The following ASMTL variants were observed in gnomAD, a reference collection of about 807,000 sequenced individuals.
ASMTL encodes the protein acetylserotonin O-methyltransferase like.
In ASMTL, 57 loss-of-function variants were observed where a neutral mutation model predicts 60.3. The observed-to-expected ratio is 0.95, with a 90% confidence interval of 0.76 to 1.18. The LOEUF is 1.18. Among genes scored for constraint, ASMTL ranks in the 50% most tolerant of loss-of-function variants. ASMTL has a pLI of 0.00. For synonymous variants in ASMTL, 419 were observed against 373.0 expected (o/e 1.12, Z -1.42); for missense variants, 981 against 852.6 (o/e 1.15, Z -1.88).
At chrX:1,435,865 T>G in intron 3 of ASMTL, 107 bp from the exon 4 acceptor site, 1 of 951,988 alleles carries the variant, frequency 1.1e-6, no homozygotes, top group Admixed American at 1.8e-5. Context: ...GAAATGAAGC[T>G]GACACGTCCT....
intron 9 of ASMTL, among the ~76,000 whole-genome samples, chrX:1,419,483 GTC>G (rs1425574130): frequency 1.5e-4 from 23 of 152,170 alleles, no homozygotes; most frequent in Non-Finnish European, 3.2e-4. Flanking sequence ...AAGCCACAAT[GTC>G]TCTGCAGGTG....
At chrX:1,433,536 G>T (rs1486216662) in intron 5 of ASMTL, among the ~76,000 whole-genome samples, 1 of 148,066 alleles carries the variant, frequency 6.8e-6, no homozygotes, top group Non-Finnish European at 1.5e-5. Flanking sequence ...GAAAAAATTA[G>T]CCGGGCGTGG....
intron 4 of ASMTL, 151 bp downstream of exon 4, chrX:1,435,543 C>T (rs1291732544): frequency 2.7e-6 from 2 of 741,460 alleles, no homozygotes; most frequent in Non-Finnish European, 4.8e-6. Flanking sequence ...GCCTGCCTCC[C>T]TGCATAGCTC....
rs2090948668 is a variant in ASMTL, at chrX:1,435,749, C to A, written c.283G>T (p.Gly95Trp). Residue 95 changes from glycine to tryptophan, a missense_variant, in exon 4 of 13, where the codon GGG (glycine) becomes TGG (tryptophan). Coordinates refer to ENST00000381317, the MANE Select transcript of ASMTL (RefSeq NM_004192.4). ...IGADTIVTVG[G>W]LILEKPVDKQ... is the part of the protein sequence containing the mutation. ...TCCACCGGCTTCTCCAGAATCAGCC[C>A]CCCGACTGTCTGTGAGAGGAAGGGA... The A allele has an allele frequency of 6.2e-7, 1 of 1,613,626 alleles. No homozygotes were observed. Among genetic ancestry groups the A allele is most frequent in the Admixed American group, 1.7e-5 (1 of 59,992 alleles).
At chrX:1,416,268 CAG>C (rs1408720409) in intron 11 of ASMTL, among the ~76,000 whole-genome samples, 9 of 150,936 alleles carry the variant, frequency 6.0e-5, no homozygotes, top group South Asian at 2.1e-4. Flanking sequence ...CACGGACACA[CAG>C]ATACACCAAC....
chrX:1,425,190 C>T (rs1289011509), intron 8 of ASMTL, among the ~76,000 whole-genome samples: 4 of 152,186 alleles, frequency 2.6e-5, no homozygotes, highest in African/African-American at 7.2e-5. Context: ...CATCCATCTA[C>T]GTTATTTGTC....
chrX:1,433,538 C>T (rs1203646739), intron 5 of ASMTL, among the ~76,000 whole-genome samples: 8 of 149,926 alleles, frequency 5.3e-5, no homozygotes, highest in South Asian at 2.1e-4. Context: ...AAAAATTAGC[C>T]GGGCGTGGTG....
chrX:1,426,355 C>T lies in ASMTL; in HGVS notation c.898-668G>A, dbSNP rs373341112. Among the ~76,000 whole-genome samples the T allele has an allele frequency of 5.9e-3, 899 of 152,258 alleles. 9 individuals carry two copies. Among genetic ancestry groups the T allele is most frequent in the African/African-American group, 0.02 (825 of 41,560 alleles). On this transcript the variant is annotated intron_variant, in intron 7 of 12. Coordinates refer to ENST00000381317, the MANE Select transcript of ASMTL (RefSeq NM_004192.4). ...GCTGTAACCACCTTTATTCCTTATT[C>T]ACTGCATGTTCTCTCTCCTGATGAT... is the stretch of plus-strand genomic sequence containing the variant.
At chrX:1,432,913 C>T (rs1452260794) in intron 5 of ASMTL, among the ~76,000 whole-genome samples, 8 of 152,264 alleles carry the variant, frequency 5.3e-5, no homozygotes, top group Non-Finnish European at 1.2e-4. Flanking sequence ...GCCTGGCCAA[C>T]ATGGCGAAAC....
rs760753118 is a variant in ASMTL, at chrX:1,421,783, G to T, written c.1120C>A (p.His374Asn). ...TCATTATTGTGCATGATGAAGCCGTGCAGAGAGTATTCGCCATCCGATGCC... is the reference window on the plus strand; with the variant it reads ...TCATTATTGTGCATGATGAAGCCGTTCAGAGAGTATTCGCCATCCGATGCC... ...YLASDGEYSL[H>N]GFIMHNNDLT... Residue 374 changes from histidine (H) to asparagine (N), a missense_variant, in exon 9 of 13, where the codon CAC (histidine) becomes AAC (asparagine). Physicochemically the swap from His to Asn is moderately conservative, Grantham distance 68. Coordinates refer to ENST00000381317, the MANE Select transcript of ASMTL (RefSeq NM_004192.4). The T allele has an allele frequency of 2.5e-6, 4 of 1,613,878 alleles. No homozygotes were observed. Among genetic ancestry groups the T allele is most frequent in the Non-Finnish European group, 3.4e-6 (4 of 1,179,832 alleles).
intron 5 of ASMTL, among the ~76,000 whole-genome samples, chrX:1,433,501 TAAA>T (rs35959333): frequency 1.0e-5 from 1 of 99,156 alleles, no homozygotes. Context: ...CCGTCTCTAC[TAAA>T]AAAAAAAAAA....
intron 6 of ASMTL, among the ~76,000 whole-genome samples, chrX:1,431,306 A>T (rs1190195014): frequency 2.3e-5 from 3 of 131,748 alleles, no homozygotes; most frequent in African/African-American, 8.3e-5. Context: ...TAAAATATAT[A>T]AAATTATATA....
chrX:1,422,530 C>T (rs778684533), intron 8 of ASMTL, among the ~76,000 whole-genome samples: 1 of 152,138 alleles, frequency 6.6e-6, no homozygotes, highest in South Asian at 2.1e-4. Context: ...CACTTCATGC[C>T]CAGGTCAGCT....
At chrX:1,416,499 A>G (rs759399057) in intron 11 of ASMTL, among the ~76,000 whole-genome samples, 17 of 114,632 alleles carry the variant, frequency 1.5e-4, no homozygotes, top group African/African-American at 2.7e-4. Flanking sequence ...AGCGACAGGC[A>G]CACACACACG....
chrX:1,418,732 A>C (rs2090387952), intron 10 of ASMTL, among the ~76,000 whole-genome samples: 1 of 152,114 alleles, frequency 6.6e-6, no homozygotes, highest in Non-Finnish European at 1.5e-5. Context: ...CAGGGGTTCC[A>C]AGGTGCTCTG....
chrX:1,432,804 G>A (rs1414690863), intron 5 of ASMTL, among the ~76,000 whole-genome samples: 2 of 152,188 alleles, frequency 1.3e-5, no homozygotes, highest in Admixed American at 6.5e-5. Context: ...ATTCCAGCCT[G>A]GGCCACAGAG....
At chrX:1,435,834 G>T in intron 3 of ASMTL, 76 bp from the exon 4 acceptor site, 1 of 1,246,976 alleles carries the variant, frequency 8.0e-7, no homozygotes, top group Non-Finnish European at 1.2e-6. Context: ...GGTCCCATTC[G>T]CAGAAGTCAC....
intron 2 of ASMTL, among the ~76,000 whole-genome samples, chrX:1,439,564 G>A (rs1399893027): frequency 6.6e-6 from 1 of 152,126 alleles, no homozygotes; most frequent in East Asian, 1.9e-4. Context: ...AAGCTACTTA[G>A]GGCTGGGCGC....
intron 12 of ASMTL, among the ~76,000 whole-genome samples, chrX:1,412,509 T>C (rs2090067996): frequency 6.6e-6 from 1 of 152,106 alleles, no homozygotes; most frequent in South Asian, 2.1e-4. Context: ...ATTATAGGCA[T>C]GAGCCACCAC....
Sources: allele counts gnomAD v4.1 joint callset (sites outside exome capture counted in the v4.1 genomes callset), GRCh38; gene constraint gnomAD v4.1.1; transcripts MANE v1.5; gene names NCBI Gene and HGNC (gene_info 2026-07-23, HGNC 2026-07-21).